Variants in ADA observed in about 807,000 individuals in gnomAD.
ADA encodes the protein adenosine deaminase.
A neutral mutation model predicts 49.0 loss-of-function variants in ADA; 45 were observed. The ratio of observed to expected loss-of-function variants is 0.92; its 90% confidence interval spans 0.72 to 1.18. The LOEUF (loss-of-function observed/expected upper bound fraction) is 1.18, where lower values mean the gene tolerates loss of function less well. Among genes scored for constraint, ADA ranks in the 50% most tolerant of loss-of-function variants. ADA has a pLI of 0.00. For missense variants in ADA, 445 were observed against 472.5 expected, an observed-to-expected ratio of 0.94 and a Z score of 0.54; for synonymous variants, 173 against 184.2, an observed-to-expected ratio of 0.94 and a Z score of 0.49.
chr20:44,619,769 A>G lies in ADA; in HGVS notation c.*65T>C. ...TCTTCTTGGAAGGAATAAATGTAAA[A>G]ATGTTGCTCAGCCCCACAGAGTTGG... On this transcript the variant is annotated 3_prime_UTR_variant, in exon 12 of 12. Transcript: ENST00000372874. 1.3e-6 allele frequency: 2 copies of G among 1,599,166 alleles called. No individual in the cohort carries two copies. The highest frequency in any genetic ancestry group is 1.7e-6 in the Non-Finnish European group (2 of 1,166,514).
At chr20:44,649,662 AAC>A (rs1358053192) in intron 1 of ADA, among the ~76,000 whole-genome samples, 1 of 151,916 alleles carries the variant, frequency 6.6e-6, no homozygotes, top group Non-Finnish European at 1.5e-5. Flanking sequence ...GGGTGTCTGC[AAC>A]AAGTGCTCTA....
chr20:44,632,071 C>A (rs2065438720), intron 2 of ADA, among the ~76,000 whole-genome samples: 1 of 152,198 alleles, frequency 6.6e-6, no homozygotes, highest in African/African-American at 2.4e-5. Context: ...CTTCTCCAGC[C>A]TCCCTCCTCA....
chr20:44,624,448 T>G, intron 5 of ADA, 119 bp from the exon 6 acceptor site: 1 of 1,374,812 alleles, frequency 7.3e-7, no homozygotes, highest in Non-Finnish European at 1.0e-6. Context: ...CAGGGCTCAG[T>G]GTCTTCAAAT....
chr20:44,630,800 A>G (rs2065426830), intron 2 of ADA, among the ~76,000 whole-genome samples: 1 of 152,198 alleles, frequency 6.6e-6, no homozygotes, highest in African/African-American at 2.4e-5. Flanking sequence ...AGGCTGGCGG[A>G]TCACTTAAGC....
At chr20:44,641,295 G>T (rs1024666500) in intron 1 of ADA, among the ~76,000 whole-genome samples, 2 of 152,094 alleles carry the variant, frequency 1.3e-5, no homozygotes, top group African/African-American at 4.8e-5. Flanking sequence ...AAAAAAACAC[G>T]TAGTCAAGAT....
At position 44,624,224 on chromosome 20, in the gene ADA, G is replaced by C. The variant is rs1272995596; in HGVS notation, c.584C>G (p.Pro195Arg). Residue 195 changes from proline (P) to arginine (R), a missense_variant, in exon 6 of 12, where the codon CCT becomes CGT. Transcript: ENST00000372874. Reference sequence around the variant, plus strand: ...CACCTGGTAGGCCTGGACATGTCCAGGCAAGAGGCTGCTTCCTGGGATGGT... The same window carrying C: ...CACCTGGTAGGCCTGGACATGTCCACGCAAGAGGCTGCTTCCTGGGATGGT... ...DETIPGSSLLPGHVQAYQEAV... is the reference protein window; with the variant it reads ...DETIPGSSLLRGHVQAYQEAV... 6.2e-7 allele frequency: 1 copy of C among 1,613,388 alleles called. No homozygotes were observed. The highest frequency in any genetic ancestry group is 8.5e-7 in the Non-Finnish European group (1 of 1,179,700).
chr20:44,640,608 A>T (rs2065523276), intron 1 of ADA, among the ~76,000 whole-genome samples: 1 of 151,482 alleles, frequency 6.6e-6, no homozygotes, highest in South Asian at 2.1e-4. Context: ...CAGAGATTCC[A>T]GTGAGCCGAG....
intron 1 of ADA, among the ~76,000 whole-genome samples, chr20:44,650,459 G>A (rs371703126): frequency 6.6e-6 from 1 of 151,398 alleles, no homozygotes; most frequent in East Asian, 1.9e-4. Flanking sequence ...ACAGGGTCTC[G>A]CTCTGTCTCC....
intron 1 of ADA, among the ~76,000 whole-genome samples, chr20:44,646,376 T>C (rs530062097): frequency 6.6e-6 from 1 of 152,288 alleles, no homozygotes; most frequent in South Asian, 2.1e-4. Flanking sequence ...CATTTTTGTT[T>C]TAACAGGTGG....
chr20:44,621,249 A>C, intron 9 of ADA, 102 bp from the exon 10 acceptor site: 1 of 1,456,842 alleles, frequency 6.9e-7, no homozygotes, highest in Non-Finnish European at 9.5e-7. Flanking sequence ...CAGCAGCCTC[A>C]AACAGATCTG....
chr20:44,625,344 G>C (rs1053930732), intron 5 of ADA, among the ~76,000 whole-genome samples: 6 of 152,180 alleles, frequency 3.9e-5, no homozygotes, highest in Non-Finnish European at 7.4e-5. Context: ...CTGCAGGGTG[G>C]CTATAAAGGC....
chr20:44,637,960 C>A (rs1036687245), intron 1 of ADA, among the ~76,000 whole-genome samples: 1 of 152,186 alleles, frequency 6.6e-6, no homozygotes, highest in African/African-American at 2.4e-5. Context: ...AACGGCCAAC[C>A]AGCTGTGTGA....
chr20:44,644,343 C>A (rs1293668560), intron 1 of ADA, among the ~76,000 whole-genome samples: 1 of 152,092 alleles, frequency 6.6e-6, no homozygotes, highest in African/African-American at 2.4e-5. Context: ...TCGCACAGCA[C>A]CTAGTGCTCT....
chr20:44,646,566 CA>C (rs2065593966), intron 1 of ADA, among the ~76,000 whole-genome samples: 1 of 151,850 alleles, frequency 6.6e-6, no homozygotes, highest in Non-Finnish European at 1.5e-5. Flanking sequence ...CTGCTGTTAC[CA>C]GCCAGGCACT....
At chr20:44,623,656 T>C (rs886700405) in intron 6 of ADA, among the ~76,000 whole-genome samples, 13 of 148,454 alleles carry the variant, frequency 8.8e-5, no homozygotes, top group African/African-American at 3.4e-4. Flanking sequence ...CTCTCTCCCT[T>C]CCTTCCTTCT....
At chr20:44,634,658 T>C (rs2065463433) in intron 2 of ADA, among the ~76,000 whole-genome samples, 1 of 152,256 alleles carries the variant, frequency 6.6e-6, no homozygotes, top group African/African-American at 2.4e-5. Context: ...GCCTTGCAGT[T>C]AAATAGGAAT....
chr20:44,644,264 G>A (rs193180781), intron 1 of ADA, among the ~76,000 whole-genome samples: 2 of 152,176 alleles, frequency 1.3e-5, no homozygotes, highest in Admixed American at 1.3e-4. Flanking sequence ...TAACATGTCT[G>A]TCTCCCTCAT....
intron 1 of ADA, among the ~76,000 whole-genome samples, chr20:44,651,173 A>T (rs1461582694): frequency 1.3e-5 from 2 of 151,994 alleles, no homozygotes; most frequent in Non-Finnish European, 2.9e-5. Context: ...GCTTCCATTC[A>T]CTGAGCACTC....
intron 1 of ADA, among the ~76,000 whole-genome samples, chr20:44,641,885 A>T (rs1326039329): frequency 6.6e-6 from 1 of 151,388 alleles, no homozygotes; most frequent in Admixed American, 6.6e-5. Flanking sequence ...CTCGTGCCTC[A>T]GCCTCCCAAG....
Sources: allele counts gnomAD v4.1 joint callset (sites outside exome capture counted in the v4.1 genomes callset), GRCh38; gene constraint gnomAD v4.1.1; transcripts MANE v1.5; gene names NCBI Gene and HGNC (gene_info 2026-07-23, HGNC 2026-07-21).